The following ANO3 variants were observed in gnomAD, a reference collection of about 807,000 sequenced individuals.
ANO3 encodes anoctamin-3.
A neutral mutation model predicts 144.8 loss-of-function variants in ANO3; 99 were observed. The observed-to-expected ratio is 0.68, with a 90% confidence interval of 0.58 to 0.81. ANO3 has a LOEUF of 0.81. Among genes scored for constraint, ANO3 ranks in the 30% least tolerant of loss-of-function variants. The probability of loss-of-function intolerance (pLI) is 0.00; values close to 1 mark genes in which losing one functional copy is unlikely to be tolerated. For missense variants in ANO3, 905 were observed against 1,202.2 expected, an observed-to-expected ratio of 0.75 and a Z score of 3.66; for synonymous variants, 414 against 392.6, an observed-to-expected ratio of 1.05 and a Z score of -0.64.
chr11:26,536,180 A>T (rs1402458759), intron 9 of ANO3, among the ~76,000 whole-genome samples: 1 of 151,870 alleles, frequency 6.6e-6, no homozygotes, highest in East Asian at 2.0e-4. Context: ...TTAGCCAGGC[A>T]CAATGGTGGG....
intron 14 of ANO3, among the ~76,000 whole-genome samples, chr11:26,568,963 T>C (rs1850708912): frequency 6.6e-6 from 1 of 152,064 alleles, no homozygotes; most frequent in Non-Finnish European, 1.5e-5. Context: ...TCTCTATATC[T>C]AGTTGTTTTG....
At chr11:26,244,523 G>A (rs1297847015) in intron 1 of ANO3, among the ~76,000 whole-genome samples, 1 of 152,120 alleles carries the variant, frequency 6.6e-6, no homozygotes, top group Non-Finnish European at 1.5e-5. Flanking sequence ...GCAAAGAAAA[G>A]GATCGTAGGA....
intron 1 of ANO3, among the ~76,000 whole-genome samples, chr11:26,277,976 A>C (rs1297082150): frequency 6.6e-6 from 1 of 152,050 alleles, no homozygotes; most frequent in Non-Finnish European, 1.5e-5. Context: ...TTAATTCAAT[A>C]TATGGTTTTC....
At chr11:26,600,981 G>T (rs934909859) in intron 17 of ANO3, among the ~76,000 whole-genome samples, 3 of 152,050 alleles carry the variant, frequency 2.0e-5, no homozygotes, top group Admixed American at 6.5e-5. Flanking sequence ...CTTCAATCAG[G>T]TCTATCAATG....
intron 1 of ANO3, among the ~76,000 whole-genome samples, chr11:26,360,007 A>G (rs1318214115): frequency 6.6e-6 from 1 of 151,936 alleles, no homozygotes; most frequent in Non-Finnish European, 1.5e-5. Flanking sequence ...CTATATTAAT[A>G]TATGAATAAT....
chr11:26,441,134 T>C lies in ANO3; in HGVS notation c.47-784T>C, dbSNP rs1858503046. 2.8e-5 allele frequency among the ~76,000 whole-genome samples: 4 copies of C among 140,778 alleles called. No individual in the cohort carries two copies. The Admixed American group carries it at 2.8e-4, about 10-fold the overall frequency. The allele number at this position is 140,778 out of a possible 152,430, so 92.4% of individuals were successfully genotyped here. On this transcript the variant is annotated intron_variant, in intron 1 of 26. Coordinates refer to ENST00000256737, the MANE Select transcript of ANO3 (RefSeq NM_031418.4). ...TTTTTTTTTTTTTTTTTTTTTTTTT[T>C]TGAGACGGAGTCTCGCTCTGTCGCC...
At chr11:26,528,396 A>G (rs1849220273) in intron 7 of ANO3, among the ~76,000 whole-genome samples, 1 of 152,208 alleles carries the variant, frequency 6.6e-6, no homozygotes, top group South Asian at 2.1e-4. Flanking sequence ...CAGGAAGTGT[A>G]TGTGAAAACC....
chr11:26,476,917 G>A (rs1401341385), intron 4 of ANO3, among the ~76,000 whole-genome samples: 3 of 144,270 alleles, frequency 2.1e-5, no homozygotes, highest in African/African-American at 7.7e-5. Context: ...GTGTGTGTGT[G>A]TGTGTGTGTG....
chr11:26,656,254 T>A, intron 25 of ANO3, 49 bp downstream of exon 25: 2 of 1,535,854 alleles, frequency 1.3e-6, no homozygotes, highest in Non-Finnish European at 1.8e-6. Flanking sequence ...TTCCAAGTAC[T>A]CCCCCCTGCA....
At chr11:26,364,104 C>T (rs983755459) in intron 1 of ANO3, among the ~76,000 whole-genome samples, 2 of 152,156 alleles carry the variant, frequency 1.3e-5, no homozygotes, top group African/African-American at 4.8e-5. Context: ...CTACAGCATT[C>T]GCAGTTTCTA....
chr11:26,203,891 G>C (rs146104104), intron 1 of ANO3, among the ~76,000 whole-genome samples: 1 of 152,254 alleles, frequency 6.6e-6, no homozygotes, highest in East Asian at 1.9e-4. Context: ...CAATGGACAA[G>C]AGGGAAGGGG....
At chr11:26,532,907 C>T (rs1849410061) in intron 8 of ANO3, among the ~76,000 whole-genome samples, 1 of 152,288 alleles carries the variant, frequency 6.6e-6, no homozygotes. Context: ...TATGCATCAG[C>T]TATTTCATCT....
rs1302262282 is a variant in ANO3, at chr11:26,201,760, TTG to T, written c.154+12432_154+12433del. Among the ~76,000 whole-genome samples the T allele has an allele frequency of 7.5e-4, 113 of 150,980 alleles. 1 individual carries two copies. Among genetic ancestry groups the T allele is most frequent in the African/African-American group, 2.6e-3 (105 of 40,684 alleles). ...GACTATAAGTTATTTGAAGGAAGTT[TTG>T]TTTTTTTTTTTTTTTAACATTCAAG... On this transcript the variant is annotated intron_variant, in intron 1 of 27. Transcript: ENST00000672621.
intron 4 of ANO3, chr11:26,474,041 G>T: frequency 4.1e-6 from 4 of 985,158 alleles, no homozygotes; most frequent in Non-Finnish European, 4.8e-6. Context: ...TTGTCACACT[G>T]AAGAGTGCTT....
intron 4 of ANO3, among the ~76,000 whole-genome samples, chr11:26,475,980 C>G (rs1293419833): frequency 6.6e-6 from 1 of 152,068 alleles, no homozygotes; most frequent in East Asian, 1.9e-4. Context: ...CTCCTCCCCC[C>G]AGAGCTTCTG....
chr11:26,541,875 A>T (rs907041412), intron 10 of ANO3, 72 bp from the exon 11 acceptor site: 3 of 1,411,118 alleles, frequency 2.1e-6, no homozygotes, highest in African/African-American at 1.5e-5. Context: ...CTGCAAGGGA[A>T]AATACAGTTC....
chr11:26,528,189 C>A (rs11029597), intron 7 of ANO3, among the ~76,000 whole-genome samples: 7,016 of 152,150 alleles, frequency 0.046, 346 homozygotes, highest in African/African-American at 0.12. Flanking sequence ...ATTATAAACA[C>A]GTATTGAGTA....
At chr11:26,555,432 G>A (rs1046691190) in intron 13 of ANO3, among the ~76,000 whole-genome samples, 15 of 152,170 alleles carry the variant, frequency 9.9e-5, no homozygotes, top group Admixed American at 9.2e-4. Flanking sequence ...ATGGCAGAGT[G>A]ATAAAGTAAG....
Position 26,535,571 on chromosome 11 carries a change from C to CTTTTTTTTTTTTT in ANO3, c.976+1026_976+1038dup, listed in dbSNP as rs72278856. Among the ~76,000 whole-genome samples the CTTTTTTTTTTTTT allele has an allele frequency of 1.4e-4, 8 of 58,610 alleles. 1 individual carries two copies. Among genetic ancestry groups the CTTTTTTTTTTTTT allele is most frequent in the Admixed American group, 6.9e-4 (2 of 2,878 alleles). The allele number at this position is 58,610 out of a possible 152,430, so 38.5% of individuals were successfully genotyped here. The stretch of plus-strand genomic sequence containing the variant: ...AATACACTATGTTTCAAGACAGCCA[C>CTTTTTTTTTTTTT]TTTTTTTTTTTTTTTTTTTTTTTTT... On this transcript the variant is annotated intron_variant, in intron 9 of 26. Transcript: ENST00000256737.
Sources: gnomAD v4.1 joint callset for allele counts (sites outside exome capture counted in the v4.1 genomes callset) on GRCh38, gnomAD v4.1.1 for gene constraint, MANE v1.5 for transcripts, NCBI Gene and HGNC (gene_info 2026-07-23, HGNC 2026-07-21) for gene names.